The following POLA1 variants were observed in gnomAD, a reference collection of about 807,000 sequenced individuals.
POLA1 encodes the protein DNA polymerase alpha 1, catalytic subunit.
POLA1 carries 15 observed loss-of-function variants against 124.0 expected under a neutral mutation model. The ratio of observed to expected loss-of-function variants is 0.12; its 90% CI spans 0.08 to 0.19. The LOEUF is 0.19. Ranked by LOEUF, POLA1 falls within the 10% of genes least tolerant of loss-of-function variation. POLA1 has a pLI of 1.00. For missense variants in POLA1, 886 were observed against 1,103.4 expected (o/e 0.80, Z 2.79); for synonymous variants, 408 against 389.4 (o/e 1.05, Z -0.56).
At chrX:24,764,742 C>T (rs1200875479) in intron 26 of POLA1, among the ~76,000 whole-genome samples, 3 of 111,396 alleles carry the variant, frequency 2.7e-5, no homozygotes, top group Non-Finnish European at 3.8e-5. Flanking sequence ...TCATTACAGT[C>T]GTAAGGTGCA....
In POLA1 at chrX:24,717,282, G is replaced by C. The variant is rs369150972; in HGVS notation, c.707-8G>C. The C allele has an allele frequency of 8.3e-7, 1 of 1,198,978 alleles. No homozygotes were observed. Among genetic ancestry groups the C allele is most frequent in the Non-Finnish European group, 1.1e-6 (1 of 885,306 alleles). On this transcript the variant is annotated splice_region_variant and splice_polypyrimidine_tract_variant and intron_variant, in intron 8 of 36. Coordinates refer to ENST00000379068, the MANE Select transcript of POLA1 (RefSeq NM_001330360.2). ...ACACATGACAAGAATGTGTGATGAT[G>C]CCTACAGGCGATGATGTACAGGTCG...
intron 26 of POLA1, among the ~76,000 whole-genome samples, chrX:24,765,555 C>T (rs951550827): frequency 9.0e-6 from 1 of 111,086 alleles, no homozygotes; most frequent in African/African-American, 3.3e-5. Context: ...CCTTGGCCTC[C>T]CAAAGTGCTG....
chrX:24,754,017 A>C (rs1437584824), intron 26 of POLA1, among the ~76,000 whole-genome samples: 1 of 111,234 alleles, frequency 9.0e-6, no homozygotes, highest in Non-Finnish European at 1.9e-5. Context: ...CATTAATGCA[A>C]ACATTACAAT....
At chrX:24,697,148 T>C (rs941527076) in intron 1 of POLA1, among the ~76,000 whole-genome samples, 1 of 111,401 alleles carries the variant, frequency 9.0e-6, no homozygotes, top group African/African-American at 3.3e-5. Flanking sequence ...GGGGGCCTCT[T>C]TTGGACAGGC....
chrX:24,772,643 T>C (rs937478487), intron 26 of POLA1, among the ~76,000 whole-genome samples: 1 of 110,981 alleles, frequency 9.0e-6, no homozygotes, highest in African/African-American at 3.3e-5. Flanking sequence ...ACACACGGTA[T>C]TTGGTTTTCT....
chrX:24,872,016 A>T (rs1286985145), intron 34 of POLA1, among the ~76,000 whole-genome samples: 2 of 111,695 alleles, frequency 1.8e-5, no homozygotes, highest in Admixed American at 1.9e-4. Context: ...TCTTAGGTCC[A>T]TGGACTTAGA....
At chrX:24,991,761 TAAAAG>T (rs1193185170) in intron 36 of POLA1, among the ~76,000 whole-genome samples, 1 of 112,448 alleles carries the variant, frequency 8.9e-6, no homozygotes, top group African/African-American at 3.2e-5. Context: ...GGTATCAACA[TAAAAG>T]AAGAAAAAAG....
At chrX:24,884,893 CAAATT>C (rs968474114) in intron 34 of POLA1, among the ~76,000 whole-genome samples, 7 of 111,912 alleles carry the variant, frequency 6.3e-5, no homozygotes, top group African/African-American at 2.3e-4. Flanking sequence ...GAAGTCTAGA[CAAATT>C]ATATTATCTG....
chrX:24,779,552 G>A (rs1468244413), intron 26 of POLA1, among the ~76,000 whole-genome samples: 1 of 111,916 alleles, frequency 8.9e-6, no homozygotes. Context: ...CTTGGTCTAG[G>A]TAGTCAAATT....
intron 36 of POLA1, among the ~76,000 whole-genome samples, chrX:24,935,967 G>A (rs1050880947): frequency 1.8e-5 from 2 of 112,728 alleles, no homozygotes; most frequent in Non-Finnish European, 3.7e-5. Context: ...ACATGTTAGT[G>A]TGTGTTATTT....
At chrX:24,918,619 A>G (rs1241456132) in intron 35 of POLA1, among the ~76,000 whole-genome samples, 1 of 112,118 alleles carries the variant, frequency 8.9e-6, no homozygotes, top group Non-Finnish European at 1.9e-5. Flanking sequence ...GTCTTTATTT[A>G]CTTCACATTA....
chrX:24,996,914 T>C lies in POLA1; in HGVS notation c.*964T>C, dbSNP rs1193383821. The stretch of plus-strand genomic sequence containing the variant: ...ATTATGCTGTGTTTTTAAAAAACAT[T>C]GACCTGTGTGTTTTTATAAAAGAAA... On this transcript the variant is annotated 3_prime_UTR_variant, in exon 37 of 37. Coordinates refer to ENST00000379068, the MANE Select transcript of POLA1 (RefSeq NM_001330360.2). 1.8e-5 allele frequency: 2 copies of C among 112,220 alleles called. No homozygotes were observed. Among genetic ancestry groups the C allele is most frequent in the Non-Finnish European group, 3.8e-5 (2 of 53,331 alleles). 9.2% of individuals were successfully genotyped at this position (112,220 alleles called of 1,213,427 possible).
intron 36 of POLA1, among the ~76,000 whole-genome samples, chrX:24,933,239 G>A (rs1379407682): frequency 8.9e-6 from 1 of 111,835 alleles, no homozygotes; most frequent in Admixed American, 9.5e-5. Context: ...GGGGGAACAA[G>A]AATATTCTTA....
intron 26 of POLA1, among the ~76,000 whole-genome samples, chrX:24,790,876 G>A (rs1175184375): frequency 1.0e-5 from 1 of 98,713 alleles, no homozygotes; most frequent in Non-Finnish European, 2.0e-5. Flanking sequence ...CATTTTACGT[G>A]TATATACAGC....
At chrX:24,798,262 T>C (rs1236318976) in intron 26 of POLA1, among the ~76,000 whole-genome samples, 2 of 111,676 alleles carry the variant, frequency 1.8e-5, no homozygotes, top group Non-Finnish European at 1.9e-5. Flanking sequence ...ATGTGATTGA[T>C]AAATGGGAAT....
chrX:24,971,847 C>G (rs370259682), intron 36 of POLA1, among the ~76,000 whole-genome samples: 7 of 111,518 alleles, frequency 6.3e-5, no homozygotes, highest in African/African-American at 2.3e-4. Flanking sequence ...AGTATTACCT[C>G]ACTACTCTAA....
intron 34 of POLA1, among the ~76,000 whole-genome samples, chrX:24,878,857 T>G (rs1341749419): frequency 9.0e-6 from 1 of 111,292 alleles, no homozygotes; most frequent in Non-Finnish European, 1.9e-5. Flanking sequence ...TAGCTCAGAA[T>G]ATTTTTCAGC....
rs144788051 is a variant in POLA1, at chrX:24,982,641, A to G, written c.4262-13164A>G. Among the ~76,000 whole-genome samples, 300 of 110,761 alleles carry G rather than the reference A, an allele frequency of 2.7e-3. 3 individuals carry two copies. Among genetic ancestry groups the G allele is most frequent in the African/African-American group, 9.7e-3 (297 of 30,580 alleles). ...ATTCTCTGGTTTCTATAGCAAGATT[A>G]CTGTTTTCTTCTTTTTATCTTCACT... On this transcript the variant is annotated intron_variant, in intron 36 of 36. Transcript: ENST00000379068.
At chrX:24,836,033 C>T (rs2046337601) in intron 32 of POLA1, among the ~76,000 whole-genome samples, 1 of 111,517 alleles carries the variant, frequency 9.0e-6, no homozygotes. Context: ...TTACTACATT[C>T]CCAGAAGGCC....
Sources: gnomAD v4.1 joint callset for allele counts (sites outside exome capture counted in the v4.1 genomes callset) on GRCh38, gnomAD v4.1.1 for gene constraint, MANE v1.5 for transcripts, NCBI Gene and HGNC (gene_info 2026-07-23, HGNC 2026-07-21) for gene names.